The following CRACD variants were observed in gnomAD, a reference collection of about 807,000 sequenced individuals.
CRACD encodes the protein capping protein-inhibiting regulator of actin dynamics.
CRACD carries 56 observed loss-of-function variants against 106.8 expected under a neutral mutation model. The observed-to-expected ratio is 0.52, with a 90% CI of 0.42 to 0.66. The LOEUF is 0.66. Among genes scored for constraint, CRACD ranks in the 30% least tolerant of loss-of-function variants. The pLI is 0.00. For missense variants in CRACD, 1,730 were observed against 1,623.2 expected (o/e 1.07, Z -1.13); for synonymous variants, 754 against 670.8 (o/e 1.12, Z -1.92).
At chr4:56,065,339 C>T (rs1431398179) in intron 1 of CRACD, among the ~76,000 whole-genome samples, 3 of 152,164 alleles carry the variant, frequency 2.0e-5, no homozygotes, top group Admixed American at 2.0e-4. Flanking sequence ...CCACCCACCT[C>T]AGCCTCCCAG....
chr4:56,051,533 C>T lies in CRACD; in HGVS notation c.-336+2234C>T, dbSNP rs1429720131. Reference sequence around the variant, plus strand: ...GAGGCAGGGCAGATATTATCATTCCCGTTTTGTAGGTGAGGAAATCCAGAC... The same window carrying T: ...GAGGCAGGGCAGATATTATCATTCCTGTTTTGTAGGTGAGGAAATCCAGAC... On this transcript the variant is annotated intron_variant, in intron 1 of 10. Transcript: ENST00000682029. 5.9e-5 allele frequency among the ~76,000 whole-genome samples: 9 copies of T among 152,208 alleles called. No homozygotes were observed. The South Asian group carries it at 1.5e-3, about 25-fold the overall frequency.
chr4:56,305,617 G>A (rs935514993), intron 4 of CRACD, among the ~76,000 whole-genome samples: 6 of 152,130 alleles, frequency 3.9e-5, no homozygotes, highest in Admixed American at 2.6e-4. Context: ...ACCCTTCCAG[G>A]CTGCTGACGC....
intron 1 of CRACD, among the ~76,000 whole-genome samples, chr4:56,132,645 C>T (rs1423496731): frequency 1.3e-5 from 2 of 152,072 alleles, no homozygotes; most frequent in African/African-American, 2.4e-5. Flanking sequence ...ATCACAAACT[C>T]CACACTTCCT....
At chr4:56,113,946 G>A (rs1359802881) in intron 1 of CRACD, among the ~76,000 whole-genome samples, 1 of 152,094 alleles carries the variant, frequency 6.6e-6, no homozygotes, top group African/African-American at 2.4e-5. Flanking sequence ...AGAAAAGGCA[G>A]TCTTCCTTTT....
chr4:56,180,409 A>G (rs1736766642), intron 2 of CRACD, among the ~76,000 whole-genome samples: 1 of 151,828 alleles, frequency 6.6e-6, no homozygotes, highest in Admixed American at 6.6e-5. Flanking sequence ...GAATCGCCTG[A>G]ACCCGGGAGG....
chr4:56,057,840 A>T (rs1406812377), intron 1 of CRACD, among the ~76,000 whole-genome samples: 1 of 40,028 alleles, frequency 2.5e-5, no homozygotes. Context: ...TTTTTTTGAG[A>T]CGGAGTCTCG....
chr4:56,124,177 AT>A (rs201807514), intron 1 of CRACD, among the ~76,000 whole-genome samples: 3,247 of 152,290 alleles, frequency 0.021, 50 homozygotes, highest in Non-Finnish European at 0.028. Flanking sequence ...ACCTCAGGTA[AT>A]CCACCTGCCT....
intron 1 of CRACD, among the ~76,000 whole-genome samples, chr4:56,100,517 G>A (rs1733743658): frequency 6.6e-6 from 1 of 152,062 alleles, no homozygotes; most frequent in Non-Finnish European, 1.5e-5. Flanking sequence ...CTATTGTTAG[G>A]GGCTGAATCT....
intron 2 of CRACD, among the ~76,000 whole-genome samples, chr4:56,211,936 G>T (rs533967899): frequency 2.4e-4 from 37 of 152,232 alleles, no homozygotes; most frequent in Admixed American, 9.8e-4. Flanking sequence ...GGGTTTCACT[G>T]GGGACCTGCC....
At chr4:56,295,696 T>G (rs986646899) in intron 3 of CRACD, among the ~76,000 whole-genome samples, 27 of 73,098 alleles carry the variant, frequency 3.7e-4, no homozygotes, top group African/African-American at 1.3e-3. Context: ...TATATATATA[T>G]ATATATATAT....
chr4:56,142,552 A>G (rs1299957716), intron 1 of CRACD, among the ~76,000 whole-genome samples: 1 of 152,042 alleles, frequency 6.6e-6, no homozygotes, highest in African/African-American at 2.4e-5. Flanking sequence ...GTGAAATTTG[A>G]AATGTTTATG....
At chr4:56,221,370 A>G (rs1739021205) in intron 2 of CRACD, among the ~76,000 whole-genome samples, 1 of 152,232 alleles carries the variant, frequency 6.6e-6, no homozygotes, top group Non-Finnish European at 1.5e-5. Context: ...GTAAATGCAT[A>G]CAAATATATT....
At chr4:56,179,690 G>C (rs776674645) in intron 2 of CRACD, among the ~76,000 whole-genome samples, 5 of 152,158 alleles carry the variant, frequency 3.3e-5, no homozygotes, top group Admixed American at 6.5e-5. Context: ...CATGGGAAAA[G>C]GTTTTGTAAA....
At chr4:56,204,207 T>G (rs888250014) in intron 2 of CRACD, among the ~76,000 whole-genome samples, 1 of 152,222 alleles carries the variant, frequency 6.6e-6, no homozygotes, top group Non-Finnish European at 1.5e-5. Context: ...TCCATTGCCA[T>G]GGAGTGGCCA....
chr4:56,150,012 T>A (rs1339133373), intron 1 of CRACD, among the ~76,000 whole-genome samples: 1 of 152,206 alleles, frequency 6.6e-6, no homozygotes, highest in African/African-American at 2.4e-5. Flanking sequence ...CAACAATGTT[T>A]ATCAAGCCTC....
intron 4 of CRACD, among the ~76,000 whole-genome samples, chr4:56,304,273 T>C (rs1440294625): frequency 6.6e-6 from 1 of 151,836 alleles, no homozygotes; most frequent in African/African-American, 2.4e-5. Context: ...TTCATTTCTC[T>C]GCTTTGCACC....
At chr4:56,095,559 T>C (rs1474406361) in intron 1 of CRACD, among the ~76,000 whole-genome samples, 1 of 151,754 alleles carries the variant, frequency 6.6e-6, no homozygotes, top group Non-Finnish European at 1.5e-5. Context: ...GAGGACACAG[T>C]GTGTGGAAAT....
At chr4:56,203,060 A>G (rs902053200) in intron 2 of CRACD, among the ~76,000 whole-genome samples, 2 of 152,254 alleles carry the variant, frequency 1.3e-5, no homozygotes, top group Non-Finnish European at 2.9e-5. Context: ...TGCATATTGC[A>G]ATAAGAATTA....
At chr4:56,121,749 A>C (rs1008988725) in intron 1 of CRACD, among the ~76,000 whole-genome samples, 10 of 152,254 alleles carry the variant, frequency 6.6e-5, no homozygotes, top group Non-Finnish European at 1.0e-4. Flanking sequence ...AGCTGAATCC[A>C]CTTCCACAGA....
Sources: gnomAD v4.1 joint callset for allele counts (sites outside exome capture counted in the v4.1 genomes callset) on GRCh38, gnomAD v4.1.1 for gene constraint, MANE v1.5 for transcripts, NCBI Gene and HGNC (gene_info 2026-07-23, HGNC 2026-07-21) for gene names.